The following BAIAP3 variants were observed in gnomAD, a reference collection of about 807,000 sequenced individuals.
The protein encoded by BAIAP3 is BAI1 associated protein 3.
Under a neutral mutation model 149.7 loss-of-function variants are expected in BAIAP3, and 180 were observed. The observed-to-expected ratio is 1.20, with a 90% CI of 1.07 to 1.36. The LOEUF is 1.36. Ranked by LOEUF, BAIAP3 falls within the 40% of genes most tolerant of loss-of-function variation. The pLI, the probability that BAIAP3 is intolerant of heterozygous loss-of-function variation, is 0.00. For missense variants in BAIAP3, 1,767 were observed against 1,563.4 expected, an observed-to-expected ratio of 1.13 and a Z score of -2.20; for synonymous variants, 845 against 670.7, an observed-to-expected ratio of 1.26 and a Z score of -4.02.
chr16:1,346,505 G>C lies in BAIAP3; in HGVS notation c.2557G>C (p.Asp853His), dbSNP rs772048317. ...ISLSPDSIQN[D>H]EAVAPLMKYL... Reference sequence around the variant, plus strand: ...TCTCTCGCCTGACTCCATCCAGAACGATGAGGTGAGTGCCGGGGCGAGGGG... The same window carrying C: ...TCTCTCGCCTGACTCCATCCAGAACCATGAGGTGAGTGCCGGGGCGAGGGG... The change falls in exon 26 of 34, where the codon GAT (aspartate) becomes CAT (histidine). Residue 853 changes from aspartate to histidine, a missense_variant. Asp to His is a moderately conservative substitution (Grantham distance 81). Coordinates refer to ENST00000426824, the MANE Select transcript of BAIAP3 (RefSeq NM_001199097.2). 2 of 1,610,728 alleles carry C rather than the reference G, an allele frequency of 1.2e-6. No individual in the cohort carries two copies. The highest frequency in any genetic ancestry group is 2.2e-5 in the East Asian group (1 of 44,790).
chr16:1,341,469 C>T lies in BAIAP3; in HGVS notation c.711C>T (p.Val237=), dbSNP rs758070374. ...TGAAGAGCAGCACCCTGAACCCCGTCTGGAAGGAGCACTTCCTCTTGTGAG... is the reference window on the plus strand; with the variant it reads ...TGAAGAGCAGCACCCTGAACCCCGTTTGGAAGGAGCACTTCCTCTTGTGAG... ...TEVKSSTLNP[V]WKEHFLFEIE... The change falls in exon 8 of 34, where the codon GTC becomes GTT. Residue 237 remains valine (V), a synonymous_variant. Coordinates refer to ENST00000426824, the MANE Select transcript of BAIAP3 (RefSeq NM_001199097.2). The T allele has an allele frequency of 6.2e-7, 1 of 1,610,770 alleles. No homozygotes were observed. Among genetic ancestry groups the T allele is most frequent in the South Asian group, 1.1e-5 (1 of 90,994 alleles).
chr16:1,339,071 C>G, intron 3 of BAIAP3, 82 bp downstream of exon 3: 1 of 1,600,618 alleles, frequency 6.2e-7, no homozygotes, highest in Non-Finnish European at 8.5e-7. Context: ...CTCCTGCCCT[C>G]GCTCCCACCT....
In BAIAP3 at chr16:1,346,434, GC is replaced by G; in HGVS notation, c.2494-5del. On this transcript the variant is annotated splice_polypyrimidine_tract_variant and splice_region_variant and intron_variant, in intron 25 of 33. Coordinates refer to ENST00000426824, the MANE Select transcript of BAIAP3 (RefSeq NM_001199097.2). ...CCTGCCCGTGCTGAGCACTGCTCCTGCCCTCAGATGGTGGGCGACATCCGCA... is the reference window on the plus strand; with the variant it reads ...CCTGCCCGTGCTGAGCACTGCTCCTGCCTCAGATGGTGGGCGACATCCGCA... 6.2e-7 allele frequency: 1 copy of G among 1,612,286 alleles called. No homozygotes were observed. The highest frequency in any genetic ancestry group is 8.5e-7 in the Non-Finnish European group (1 of 1,179,674).
chr16:1,337,593 A>G (rs1407020852), intron 1 of BAIAP3, among the ~76,000 whole-genome samples: 2 of 152,178 alleles, frequency 1.3e-5, no homozygotes, highest in African/African-American at 2.4e-5. Context: ...GGGGCCTTCC[A>G]GGGGGCTTCC....
Position 1,342,050 on chromosome 16 carries a change from A to T in BAIAP3, c.841A>T (p.Lys281Ter), listed in dbSNP as rs770716622. 6.2e-7 allele frequency: 1 copy of T among 1,606,354 alleles called. No individual in the cohort carries two copies. ...CRKLNEVIGL[K>*]GMGRYFKQIV... ...GAAGCTGAATGAAGTCATCGGCCTGAAGGGCATGGGCAGGTATGACTGCTG... is the reference window on the plus strand; with the variant it reads ...GAAGCTGAATGAAGTCATCGGCCTGTAGGGCATGGGCAGGTATGACTGCTG... The change falls in exon 10 of 34, where the codon AAG (lysine) becomes TAG (stop). Residue 281 changes from lysine to a stop codon, truncating the protein, a stop_gained. Coordinates refer to ENST00000426824, the MANE Select transcript of BAIAP3 (RefSeq NM_001199097.2). LOFTEE classifies it high-confidence loss of function.
At chr16:1,336,498 C>G in intron 1 of BAIAP3, 1 of 688,640 alleles carries the variant, frequency 1.5e-6, no homozygotes, top group Non-Finnish European at 1.8e-6. Context: ...GAGCCTGCAC[C>G]CAGGGCTCGG....
At position 1,339,744 on chromosome 16, in the gene BAIAP3, C is replaced by T. The variant is rs565145431; in HGVS notation, c.408+141C>T. On this transcript the variant is annotated intron_variant, in intron 5 of 33. Coordinates refer to ENST00000426824, the MANE Select transcript of BAIAP3 (RefSeq NM_001199097.2). ...CAGCACACAGAGACGGCTGCAGGTG[C>T]ACACACACACACGCACACAGGCTGC... is the stretch of plus-strand genomic sequence containing the variant. 840 of 603,494 alleles carry T rather than the reference C, an allele frequency of 1.4e-3. 7 individuals carry two copies. Among genetic ancestry groups the T allele is most frequent in the East Asian group, 2.8e-3 (96 of 34,598 alleles). 37.4% of individuals were successfully genotyped at this position (603,494 alleles called of 1,614,324 possible).
At position 1,345,098 on chromosome 16, in the gene BAIAP3, C is replaced by A. The variant is rs368265440; in HGVS notation, c.1939C>A (p.Arg647=). ...GCGCTTCTGGGATAGCATCCCTGGC[C>A]GGTGGGTGCCCCGTCCCTATCTCTT... ...LQRFWDSIPG[R]DSRSLALAGI... The change falls in exon 21 of 34, where the codon CGG becomes AGG. Residue 647 remains arginine (R), a splice_region_variant and synonymous_variant. Transcript: ENST00000426824. 3.7e-6 allele frequency: 6 copies of A among 1,612,440 alleles called. No individual in the cohort carries two copies. In the African/African-American group the frequency reaches 8.0e-5, roughly 22 times the overall value.
chr16:1,346,772 T>C lies in BAIAP3; in HGVS notation c.2643-75T>C, dbSNP rs2034402117. 3 of 1,527,380 alleles carry C rather than the reference T, an allele frequency of 2.0e-6. No homozygotes were observed. In the Admixed American group the frequency reaches 5.9e-5, roughly 30 times the overall value. 94.6% of individuals were successfully genotyped at this position (1,527,380 alleles called of 1,614,324 possible). On this transcript the variant is annotated intron_variant, in intron 27 of 33. Coordinates refer to ENST00000426824, the MANE Select transcript of BAIAP3 (RefSeq NM_001199097.2). ...GTGCCGGAGGCCCTGTGGGAGCTAC[T>C]CCTCCAGGCCATTCTGCAGGTGGGG...
intron 6 of BAIAP3, 70 bp downstream of exon 6, chr16:1,341,051 C>T: frequency 6.2e-7 from 1 of 1,611,238 alleles, no homozygotes; most frequent in Non-Finnish European, 8.5e-7. Flanking sequence ...GGGGCAAGGC[C>T]CTGTCACCTC....
rs369716945 is a variant in BAIAP3 at position 1,346,961 on chromosome 16, G to A, written c.2751+6G>A. On this transcript the variant is annotated splice_donor_region_variant and intron_variant, in intron 28 of 33. Coordinates refer to ENST00000426824, the MANE Select transcript of BAIAP3 (RefSeq NM_001199097.2). ...GCTTCCATTTCACGCTGGAGGTAGA[G>A]CTCTGTGAAGGAGTCCTCCCCGCCG... The A allele has an allele frequency of 1.1e-5, 17 of 1,599,590 alleles. No individual in the cohort carries two copies. Among genetic ancestry groups the A allele is most frequent in the Middle Eastern group, 1.7e-4 (1 of 6,042 alleles).
Position 1,341,170 on chromosome 16 carries a change from G to C in BAIAP3, c.510G>C (p.Lys170Asn), listed in dbSNP as rs2033897110. 2 of 1,612,632 alleles carry C rather than the reference G, an allele frequency of 1.2e-6. No homozygotes were observed. The highest frequency in any genetic ancestry group is 1.3e-5 in the African/African-American group (1 of 74,940). Reference sequence around the variant, plus strand: ...TGAAAGTCTCTGTCATGCGTGCCAAGAACCTTCTGGCCAAGGACCCCAACG... The same window carrying C: ...TGAAAGTCTCTGTCATGCGTGCCAACAACCTTCTGGCCAAGGACCCCAACG... ...YALKVSVMRAKNLLAKDPNGF... is the reference protein window; with the variant it reads ...YALKVSVMRANNLLAKDPNGF... Residue 170 changes from lysine (K) to asparagine (N), a missense_variant, in exon 7 of 34, where the codon AAG becomes AAC. Coordinates refer to ENST00000426824, the MANE Select transcript of BAIAP3 (RefSeq NM_001199097.2).
chr16:1,345,067 C>T lies in BAIAP3; in HGVS notation c.1908C>T (p.Asp636=), dbSNP rs1461644362. Residue 636 remains aspartate, a synonymous_variant, in exon 21 of 34, where the codon GAC becomes GAT. Coordinates refer to ENST00000426824, the MANE Select transcript of BAIAP3 (RefSeq NM_001199097.2). ...TTGAGCTCTACCTGACCCTGGCTGA[C>T]CTCCAGCGCTTCTGGGATAGCATCC... The part of the protein sequence containing the change: ...GLFELYLTLA[D]LQRFWDSIPG... 4 of 1,612,404 alleles carry T rather than the reference C, an allele frequency of 2.5e-6. No individual in the cohort carries two copies. In the South Asian group the frequency reaches 3.3e-5, roughly 13 times the overall value.
In BAIAP3 at chr16:1,347,901, T is replaced by C; in HGVS notation, c.3033T>C (p.Ser1011=). ...DLLPLDANGL[S]DPFVIVELGP... is the part of the protein sequence containing the mutation. ...ACGACTGTGCTCCTGCAGGCTTAAG[T>C]GACCCCTTTGTGATCGTGGAGCTGG... The change falls in exon 32 of 34, where the codon AGT becomes AGC. Residue 1011 remains serine (S), a synonymous_variant. Transcript: ENST00000426824. 1 of 1,611,834 alleles carries C rather than the reference T, an allele frequency of 6.2e-7. No individual in the cohort carries two copies. Among genetic ancestry groups the C allele is most frequent in the Admixed American group, 1.7e-5 (1 of 60,012 alleles).
intron 14 of BAIAP3, 70 bp downstream of exon 14, chr16:1,343,086 T>G: frequency 9.0e-7 from 1 of 1,110,544 alleles, no homozygotes; most frequent in Non-Finnish European, 1.2e-6. Context: ...TCGGGGGCCA[T>G]GCGGTGAGTG....
At position 1,347,988 on chromosome 16, in the gene BAIAP3, G is replaced by A; in HGVS notation, c.3120G>A (p.Leu1040=). The change falls in exon 32 of 34, where the codon CTG becomes CTA. Residue 1040 remains leucine (L), a synonymous_variant. Transcript: ENST00000426824. Reference sequence around the variant, plus strand: ...GGACCCAGGTGAAGACCCGGACGCTGCACCCTGTATACGACGAACTCTTCT... The same window carrying A: ...GGACCCAGGTGAAGACCCGGACGCTACACCCTGTATACGACGAACTCTTCT... ...SQRTQVKTRT[L]HPVYDELFYF... 1 of 1,610,908 alleles carries A rather than the reference G, an allele frequency of 6.2e-7. No individual in the cohort carries two copies. Among genetic ancestry groups the A allele is most frequent in the South Asian group, 1.1e-5 (1 of 91,090 alleles).
chr16:1,339,342 A>G (rs1044508177), intron 4 of BAIAP3, 98 bp downstream of exon 4: 2 of 1,514,396 alleles, frequency 1.3e-6, no homozygotes, highest in South Asian at 1.2e-5. Flanking sequence ...TGGTGATGGC[A>G]GAGAGCCAGG....
intron 15 of BAIAP3, 125 bp downstream of exon 15, chr16:1,343,638 C>T: frequency 2.1e-6 from 3 of 1,409,892 alleles, no homozygotes; most frequent in Non-Finnish European, 2.9e-6. Context: ...AATGGACAAA[C>T]TGTATGACGT....
chr16:1,339,648 C>T, intron 5 of BAIAP3, 45 bp downstream of exon 5: 1 of 1,465,958 alleles, frequency 6.8e-7, no homozygotes, highest in Non-Finnish European at 9.4e-7. Flanking sequence ...AGCTTCCCCA[C>T]CTCAACCCCT....
Sources: gnomAD v4.1 joint callset for allele counts (sites outside exome capture counted in the v4.1 genomes callset) on GRCh38, gnomAD v4.1.1 for gene constraint, MANE v1.5 for transcripts, NCBI Gene and HGNC (gene_info 2026-07-23, HGNC 2026-07-21) for gene names.